The following ROBO2 variants were observed in gnomAD, a reference collection of about 807,000 sequenced individuals.
The protein encoded by ROBO2 is roundabout homolog 2.
A neutral mutation model predicts 160.8 loss-of-function variants in ROBO2; 53 were observed. The ratio of observed to expected loss-of-function variants is 0.33; its 90% CI spans 0.26 to 0.41. The LOEUF is 0.41. ROBO2 is among the 10% of genes least tolerant of loss of function. ROBO2 has a pLI of 1.00. For synonymous variants in ROBO2, 664 were observed against 611.7 expected (o/e 1.09, Z -1.26); for missense variants, 1,577 against 1,722.4 (o/e 0.92, Z 1.49).
chr3:77,238,334 C>A (rs2088407712), intron 2 of ROBO2, among the ~76,000 whole-genome samples: 1 of 152,040 alleles, frequency 6.6e-6, no homozygotes, highest in Non-Finnish European at 1.5e-5. Context: ...TTCTCTTGTG[C>A]CGTTTTCTGG....
In ROBO2 at chr3:77,525,421, C is replaced by T. The variant is rs866355396; in HGVS notation, c.934+2519C>T. 1.6e-3 allele frequency among the ~76,000 whole-genome samples: 88 copies of T among 55,240 alleles called. No homozygotes were observed. The Middle Eastern group carries it at 0.026, about 17-fold the overall frequency. 36.2% of individuals were successfully genotyped at this position (55,240 alleles called of 152,430 possible). A position where few individuals can be genotyped will look rare whatever the true frequency, so the allele number is the denominator to read the frequency against. On this transcript the variant is annotated intron_variant, in intron 6 of 25. Coordinates refer to ENST00000461745, the Ensembl canonical transcript of ROBO2. ...AGTTATTTCCCATTTCAAAAATATGCTTTAAAAAAAAAAACTATAAATTGA... is the reference window on the plus strand; with the variant it reads ...AGTTATTTCCCATTTCAAAAATATGTTTTAAAAAAAAAAACTATAAATTGA...
chr3:77,139,683 G>T (rs1208560015), intron 2 of ROBO2, among the ~76,000 whole-genome samples: 2 of 152,098 alleles, frequency 1.3e-5, no homozygotes, highest in African/African-American at 2.4e-5. Flanking sequence ...TTACCATTTT[G>T]CACTTTCTAA....
chr3:76,175,715 C>G (rs1227609961), intron 2 of ROBO2, among the ~76,000 whole-genome samples: 2 of 152,034 alleles, frequency 1.3e-5, no homozygotes, highest in African/African-American at 4.8e-5. Context: ...ATAAAAGGAA[C>G]AATTGCATGG....
chr3:77,456,421 A>T (rs938717515), intron 2 of ROBO2, among the ~76,000 whole-genome samples: 1 of 152,232 alleles, frequency 6.6e-6, no homozygotes, highest in African/African-American at 2.4e-5. Context: ...GGAAACATTT[A>T]TGTGAAAAAA....
chr3:77,356,250 A>C (rs1422366390), intron 2 of ROBO2, among the ~76,000 whole-genome samples: 1 of 152,204 alleles, frequency 6.6e-6, no homozygotes, highest in African/African-American at 2.4e-5. Context: ...TAAATGAAAA[A>C]GTTACAAAAC....
intron 2 of ROBO2, among the ~76,000 whole-genome samples, chr3:76,766,783 A>G (rs1576501577): frequency 6.6e-6 from 1 of 151,562 alleles, no homozygotes; most frequent in African/African-American, 2.4e-5. Flanking sequence ...ACGATTTACC[A>G]TAAATCACTG....
intron 2 of ROBO2, among the ~76,000 whole-genome samples, chr3:76,808,287 G>A (rs1030842611): frequency 1.3e-5 from 2 of 152,032 alleles, no homozygotes; most frequent in Non-Finnish European, 2.9e-5. Flanking sequence ...GTGCACACTC[G>A]TAAACTGAAC....
chr3:76,511,409 T>G (rs1277289783), intron 2 of ROBO2, among the ~76,000 whole-genome samples: 5 of 152,214 alleles, frequency 3.3e-5, no homozygotes, highest in Non-Finnish European at 7.3e-5. Flanking sequence ...GACTGCAAAA[T>G]ATTGTCATTC....
At chr3:77,395,264 C>G (rs1371804020) in intron 2 of ROBO2, among the ~76,000 whole-genome samples, 1 of 152,118 alleles carries the variant, frequency 6.6e-6, no homozygotes, top group African/African-American at 2.4e-5. Flanking sequence ...AAAACCACAG[C>G]TGTTACTAGG....
chr3:76,846,249 T>G (rs2068764755), intron 2 of ROBO2, among the ~76,000 whole-genome samples: 1 of 152,178 alleles, frequency 6.6e-6, no homozygotes, highest in South Asian at 2.1e-4. Context: ...AACAAAGCAG[T>G]TATTCCTTTG....
At chr3:75,971,814 A>G (rs949146736) in intron 2 of ROBO2, among the ~76,000 whole-genome samples, 2 of 151,592 alleles carry the variant, frequency 1.3e-5, no homozygotes, top group African/African-American at 4.8e-5. Flanking sequence ...CTTATTCACA[A>G]AAAGGGTTGC....
chr3:76,623,287 G>A (rs1397300504), intron 2 of ROBO2, among the ~76,000 whole-genome samples: 1 of 152,098 alleles, frequency 6.6e-6, no homozygotes, highest in Non-Finnish European at 1.5e-5. Flanking sequence ...GAGCTATCTT[G>A]CCAATGTGCT....
chr3:77,166,190 G>A (rs552868004), intron 2 of ROBO2, among the ~76,000 whole-genome samples: 10 of 151,984 alleles, frequency 6.6e-5, no homozygotes, highest in Non-Finnish European at 1.5e-4. Flanking sequence ...CCCAGGAGGC[G>A]GAGGTTGTAG....
chr3:77,135,959 G>T (rs2076244320), intron 2 of ROBO2, among the ~76,000 whole-genome samples: 1 of 152,156 alleles, frequency 6.6e-6, no homozygotes, highest in Non-Finnish European at 1.5e-5. Context: ...CATGTAGCAT[G>T]TTGAATGTTT....
rs1421849549 is a variant in ROBO2 at position 76,948,904 on chromosome 3, A to G, written c.110-149110A>G. Among the ~76,000 whole-genome samples, 4 of 24,846 alleles carry G rather than the reference A, an allele frequency of 1.6e-4. 1 individual carries two copies. The highest frequency in any genetic ancestry group is 7.8e-4 in the African/African-American group (4 of 5,146). The allele number at this position is 24,846 out of a possible 152,430, so 16.3% of individuals were successfully genotyped here. A position where few individuals can be genotyped will look rare whatever the true frequency, so the allele number is the denominator to read the frequency against. On this transcript the variant is annotated intron_variant, in intron 2 of 26. Transcript: ENST00000487694. ...TATATATATATATATATATATATAT[A>G]TATATTTTTTTTTTTTTTTTTTTTT...
At chr3:77,229,011 A>G (rs1251591122) in intron 2 of ROBO2, among the ~76,000 whole-genome samples, 1 of 152,162 alleles carries the variant, frequency 6.6e-6, no homozygotes, top group Non-Finnish European at 1.5e-5. Flanking sequence ...TTTTGTCCCT[A>G]AGATATCTGC....
chr3:76,281,886 AG>A (rs1289006965), intron 2 of ROBO2, among the ~76,000 whole-genome samples: 1 of 151,990 alleles, frequency 6.6e-6, no homozygotes, highest in African/African-American at 2.4e-5. Flanking sequence ...AAAGATCCAA[AG>A]ATAAAGTGTT....
At position 76,170,083 on chromosome 3, in the gene ROBO2, G is replaced by A. The variant is rs564304693; in HGVS notation, c.109+232481G>A. 5.9e-5 allele frequency among the ~76,000 whole-genome samples: 9 copies of A among 152,086 alleles called. No individual in the cohort carries two copies. The East Asian group carries it at 7.7e-4, about 13-fold the overall frequency. ...GCGTGAGCCACTATGCCTGGCCATC[G>A]TTAAGGATTTTTAAAAAATTTTTTA... On this transcript the variant is annotated intron_variant, in intron 2 of 26. Transcript: ENST00000487694.
intron 2 of ROBO2, among the ~76,000 whole-genome samples, chr3:76,738,241 A>G (rs538544009): frequency 3.2e-4 from 49 of 152,352 alleles, no homozygotes; most frequent in African/African-American, 1.1e-3. Context: ...GCAATGAAAA[A>G]CAAGATAGGT....
Sources: allele counts gnomAD v4.1 joint callset (sites outside exome capture counted in the v4.1 genomes callset), GRCh38; gene constraint gnomAD v4.1.1; transcripts MANE v1.5; gene names NCBI Gene and HGNC (gene_info 2026-07-23, HGNC 2026-07-21).